SAMMSON: variants seen among roughly 807,000 people sequenced by gnomAD.
SAMMSON encodes long intergenic non-protein coding RNA 1212.
At chr3:70,089,947 C>T (rs2067299470) in intron 4 of SAMMSON, among the ~76,000 whole-genome samples, 1 of 152,008 alleles carries the variant, frequency 6.6e-6, no homozygotes, top group Admixed American at 6.6e-5. Flanking sequence ...TTTTGCTGGC[C>T]TTACTTTTCT....
At chr3:70,268,443 C>T (rs758311141) in intron 6 of SAMMSON, among the ~76,000 whole-genome samples, 8 of 140,340 alleles carry the variant, frequency 5.7e-5, no homozygotes, top group Non-Finnish European at 1.0e-4. Flanking sequence ...TCACTGCACT[C>T]CAGCCTGGGC....
intron 4 of SAMMSON, among the ~76,000 whole-genome samples, chr3:70,115,860 T>C (rs573528471): frequency 6.6e-6 from 1 of 152,268 alleles, no homozygotes; most frequent in African/African-American, 2.4e-5. Context: ...ATTTGACCCC[T>C]CAGGGTGCTA....
chr3:70,298,739 G>A (rs1054449785), intron 7 of SAMMSON, among the ~76,000 whole-genome samples: 4 of 152,066 alleles, frequency 2.6e-5, no homozygotes, highest in Admixed American at 6.6e-5. Context: ...TGTAATGAGT[G>A]CAGATGAGGG....
chr3:70,377,660 T>C (rs866303205), intron 9 of SAMMSON, among the ~76,000 whole-genome samples: 1 of 152,094 alleles, frequency 6.6e-6, no homozygotes. Context: ...ATTATTTTTG[T>C]GGTGAAGTAT....
At chr3:70,045,171 T>C (rs1559779860) in intron 3 of SAMMSON, among the ~76,000 whole-genome samples, 1 of 131,790 alleles carries the variant, frequency 7.6e-6, no homozygotes, top group African/African-American at 2.8e-5. Flanking sequence ...ATATTATAAT[T>C]TATATATATC....
chr3:70,417,514 A>G (rs774172661), intron 2 of SAMMSON, among the ~76,000 whole-genome samples: 6 of 152,194 alleles, frequency 3.9e-5, no homozygotes, highest in Non-Finnish European at 8.8e-5. Context: ...AATTGGCTCA[A>G]TTAAAAATGG....
At chr3:70,160,892 C>G (rs2067612082) in intron 4 of SAMMSON, among the ~76,000 whole-genome samples, 1 of 151,992 alleles carries the variant, frequency 6.6e-6, no homozygotes, top group African/African-American at 2.4e-5. Context: ...GTATAGAAGT[C>G]TATAATTTTA....
chr3:70,223,428 A>G (rs1348213389), intron 4 of SAMMSON, among the ~76,000 whole-genome samples: 4 of 152,168 alleles, frequency 2.6e-5, no homozygotes, highest in Admixed American at 2.0e-4. Context: ...TTTTGAGCCT[A>G]CATATGTTTA....
chr3:70,427,379 G>A (rs1250014678), intron 2 of SAMMSON, among the ~76,000 whole-genome samples: 1 of 152,080 alleles, frequency 6.6e-6, no homozygotes. Context: ...ATCTCACTTA[G>A]GCAAAAGCAC....
rs1043226542 is a variant in SAMMSON, at chr3:70,238,111, C to T, written n.508-10996C>T. Among the ~76,000 whole-genome samples, 79 of 149,314 alleles carry T rather than the reference C, an allele frequency of 5.3e-4. 1 individual carries two copies. The highest frequency in any genetic ancestry group is 1.9e-4 in the Non-Finnish European group (13 of 67,602). On this transcript the variant is annotated intron_variant and non_coding_transcript_variant, in intron 4 of 9. Coordinates refer to ENST00000642114, the Ensembl canonical transcript of SAMMSON. Reference sequence around the variant, plus strand: ...GGCTTGCCCTGTCCTGCTCCTCACACAGACATATGATAGCCAGAGTCCTCT... The same window carrying T: ...GGCTTGCCCTGTCCTGCTCCTCACATAGACATATGATAGCCAGAGTCCTCT...
intron 6 of SAMMSON, among the ~76,000 whole-genome samples, chr3:70,272,673 C>T (rs754593182): frequency 2.6e-5 from 4 of 152,110 alleles, no homozygotes; most frequent in African/African-American, 9.7e-5. Context: ...TTATAAAAAA[C>T]TGCTCAGCAC....
intron 7 of SAMMSON, among the ~76,000 whole-genome samples, chr3:70,336,725 T>G (rs1289210743): frequency 6.6e-6 from 1 of 151,800 alleles, no homozygotes; most frequent in Non-Finnish European, 1.5e-5. Context: ...TTTATTTTCA[T>G]CAATGTCCAT....
intron 6 of SAMMSON, among the ~76,000 whole-genome samples, chr3:70,276,453 A>G (rs994840653): frequency 6.6e-6 from 1 of 152,088 alleles, no homozygotes; most frequent in East Asian, 1.9e-4. Flanking sequence ...GCCTCTCATT[A>G]TTTTTTTAGG....
chr3:70,063,909 C>A (rs1377028052), intron 3 of SAMMSON, among the ~76,000 whole-genome samples: 1 of 152,126 alleles, frequency 6.6e-6, no homozygotes, highest in Non-Finnish European at 1.5e-5. Flanking sequence ...CATCATTCTT[C>A]ATCATAATTT....
At chr3:70,279,119 CCT>C (rs1201445288) in intron 6 of SAMMSON, among the ~76,000 whole-genome samples, 2 of 150,700 alleles carry the variant, frequency 1.3e-5, no homozygotes, top group Admixed American at 6.7e-5. Flanking sequence ...TAGATTATTT[CCT>C]CTGTTTCACT....
At chr3:70,022,533 C>A (rs1329615736) in intron 3 of SAMMSON, among the ~76,000 whole-genome samples, 1 of 148,418 alleles carries the variant, frequency 6.7e-6, no homozygotes, top group African/African-American at 2.5e-5. Flanking sequence ...TTCTTTTGGT[C>A]TTTCAGTTGG....
intron 7 of SAMMSON, among the ~76,000 whole-genome samples, chr3:70,323,864 CA>C (rs751889632): frequency 2.6e-5 from 4 of 152,170 alleles, no homozygotes; most frequent in Admixed American, 6.5e-5. Flanking sequence ...AAGCTATCTT[CA>C]GGATGAAGGG....
At chr3:70,318,760 G>A (rs1702514528) in intron 7 of SAMMSON, among the ~76,000 whole-genome samples, 1 of 151,960 alleles carries the variant, frequency 6.6e-6, no homozygotes, top group Admixed American at 6.6e-5. Flanking sequence ...TTTAGAGGGT[G>A]TTGAATTTTG....
At chr3:70,315,929 A>G (rs1471185083) in intron 7 of SAMMSON, among the ~76,000 whole-genome samples, 3 of 152,160 alleles carry the variant, frequency 2.0e-5, no homozygotes, top group Non-Finnish European at 4.4e-5. Flanking sequence ...AGCCCATTTA[A>G]AATAATGAAC....
Sources: allele counts gnomAD v4.1 joint callset (sites outside exome capture counted in the v4.1 genomes callset), GRCh38; gene constraint gnomAD v4.1.1; transcripts MANE v1.5; gene names NCBI Gene and HGNC (gene_info 2026-07-23, HGNC 2026-07-21).